The following ERI3 variants were observed in gnomAD, a reference collection of about 807,000 sequenced individuals.
ERI3 encodes the protein ERI1 exoribonuclease 3.
Under a neutral mutation model 44.4 loss-of-function variants are expected in ERI3, and 18 were observed. That is an observed-to-expected ratio of 0.41 (90% confidence interval 0.28 to 0.60). The LOEUF (loss-of-function observed/expected upper bound fraction) is 0.60. ERI3 is among the 20% of genes least tolerant of loss of function. The pLI is 0.36. For missense variants in ERI3, 294 were observed against 435.5 expected, an observed-to-expected ratio of 0.68 and a Z score of 2.89; for synonymous variants, 183 against 164.8, an observed-to-expected ratio of 1.11 and a Z score of -0.84.
Position 44,228,354 on chromosome 1 carries a change from C to G in ERI3, c.932-6714G>C, listed in dbSNP as rs1009171927. ...TCATCTTGATTAGCAGGCGATTTCT[C>G]TCACCGTAATAAGCGCGCTCCAAAT... On this transcript the variant is annotated intron_variant, in intron 8 of 8. Transcript: ENST00000372257. The surrounding 1 kb of genome is among the most constrained non-coding windows in gnomAD (Gnocchi z 4.3). Among the ~76,000 whole-genome samples, 7 of 152,212 alleles carry G rather than the reference C, an allele frequency of 4.6e-5. No homozygotes were observed. Among genetic ancestry groups the G allele is most frequent in the African/African-American group, 1.4e-4 (6 of 41,444 alleles).
intron 8 of ERI3, among the ~76,000 whole-genome samples, chr1:44,238,482 T>C (rs1233924080): frequency 6.6e-6 from 1 of 152,060 alleles, no homozygotes; most frequent in Non-Finnish European, 1.5e-5. Context: ...TTTCGGTGTA[T>C]AGGGCCAGAT....
intron 7 of ERI3, among the ~76,000 whole-genome samples, chr1:44,262,378 C>T (rs933154283): frequency 6.6e-6 from 1 of 152,242 alleles, no homozygotes; most frequent in African/African-American, 2.4e-5. Flanking sequence ...GTTCCATTAA[C>T]CTTCCTTCTC....
rs539439596 is a variant in ERI3 at position 44,305,537 on chromosome 1, G to A, written c.758+2773C>T. On this transcript the variant is annotated intron_variant, in intron 6 of 8. Coordinates refer to ENST00000372257, the MANE Select transcript of ERI3 (RefSeq NM_024066.3). The stretch of plus-strand genomic sequence containing the variant: ...AATCCACATCACTAAATAAAAACTC[G>A]CCTTAGCAGGATCTGTGACTACACA... Among the ~76,000 whole-genome samples, 5 of 152,296 alleles carry A rather than the reference G, an allele frequency of 3.3e-5. No homozygotes were observed. In the East Asian group the frequency reaches 7.7e-4, roughly 24 times the overall value.
intron 7 of ERI3, among the ~76,000 whole-genome samples, chr1:44,264,165 C>A (rs1445878236): frequency 6.6e-6 from 1 of 152,204 alleles, no homozygotes; most frequent in Non-Finnish European, 1.5e-5. Flanking sequence ...CTCAGCAGAG[C>A]TAATAAATCT....
intron 6 of ERI3, among the ~76,000 whole-genome samples, chr1:44,303,273 T>C (rs188197704): frequency 2.0e-5 from 3 of 152,376 alleles, no homozygotes; most frequent in East Asian, 3.9e-4. Context: ...AGCATAGTTC[T>C]CTAACTCTTC....
chr1:44,223,536 C>T (rs1310322998), intron 8 of ERI3, among the ~76,000 whole-genome samples: 2 of 152,140 alleles, frequency 1.3e-5, no homozygotes, highest in African/African-American at 4.8e-5. Flanking sequence ...GGCCGCTGTG[C>T]ATATTAAGAA....
chr1:44,232,871 G>C (rs1449809435), intron 8 of ERI3, among the ~76,000 whole-genome samples: 1 of 152,122 alleles, frequency 6.6e-6, no homozygotes, highest in Non-Finnish European at 1.5e-5. Context: ...AATTATACAG[G>C]GGTTCTATTT....
In ERI3 at chr1:44,228,359, C is replaced by T. The variant is rs1017676167; in HGVS notation, c.932-6719G>A. Among the ~76,000 whole-genome samples, 5 of 152,132 alleles carry T rather than the reference C, an allele frequency of 3.3e-5. No homozygotes were observed. Among genetic ancestry groups the T allele is most frequent in the African/African-American group, 9.7e-5 (4 of 41,406 alleles). ...TTGATTAGCAGGCGATTTCTCTCAC[C>T]GTAATAAGCGCGCTCCAAATAATTA... On this transcript the variant is annotated intron_variant, in intron 8 of 8. Coordinates refer to ENST00000372257, the MANE Select transcript of ERI3 (RefSeq NM_024066.3). This position sits in a 1 kb window ranked among gnomAD's most constrained non-coding sequence, Gnocchi z 4.3.
At chr1:44,327,659 T>C (rs1368417480) in intron 3 of ERI3, among the ~76,000 whole-genome samples, 1 of 152,192 alleles carries the variant, frequency 6.6e-6, no homozygotes, top group Non-Finnish European at 1.5e-5. Context: ...TTAACTACTA[T>C]GCTCTACTGA....
chr1:44,238,732 AC>A (rs1188128942), intron 8 of ERI3, among the ~76,000 whole-genome samples: 2 of 151,570 alleles, frequency 1.3e-5, no homozygotes, highest in East Asian at 3.9e-4. Flanking sequence ...ATAGGACTGA[AC>A]CCCATCACAT....
chr1:44,345,168 T>A (rs910208047), intron 2 of ERI3, among the ~76,000 whole-genome samples: 1 of 152,220 alleles, frequency 6.6e-6, no homozygotes, highest in African/African-American at 2.4e-5. Flanking sequence ...GAGGAGTCGT[T>A]CTGGTGTCTT....
At chr1:44,258,490 T>C (rs532484628) in intron 7 of ERI3, among the ~76,000 whole-genome samples, 1 of 152,292 alleles carries the variant, frequency 6.6e-6, no homozygotes, top group Admixed American at 6.5e-5. Flanking sequence ...CTTCATTAGA[T>C]TGTTCATGTA....
chr1:44,241,206 T>C lies in ERI3; in HGVS notation c.931+6733A>G, dbSNP rs1021522050. 9.9e-5 allele frequency among the ~76,000 whole-genome samples: 15 copies of C among 152,128 alleles called. No individual in the cohort carries two copies. Among genetic ancestry groups the C allele is most frequent in the African/African-American group, 3.4e-4 (14 of 41,420 alleles). On this transcript the variant is annotated intron_variant, in intron 8 of 8. Transcript: ENST00000372257. This position sits in a 1 kb window ranked among gnomAD's most constrained non-coding sequence, Gnocchi z 5.6. ...AACCAGTGGTAATGACTTGCAAATA[T>C]TGATGAAAACACAAACTACAGATAT...
intron 6 of ERI3, among the ~76,000 whole-genome samples, chr1:44,301,098 G>A (rs573194039): frequency 1.1e-3 from 171 of 152,258 alleles, no homozygotes; most frequent in Non-Finnish European, 2.1e-3. Context: ...GATTTATATC[G>A]AGTGACTTGG....
intron 3 of ERI3, among the ~76,000 whole-genome samples, chr1:44,338,004 G>A (rs1334285716): frequency 6.6e-6 from 1 of 152,132 alleles, no homozygotes; most frequent in Non-Finnish European, 1.5e-5. Flanking sequence ...TGCTACATCA[G>A]CCCCCAATCA....
intron 5 of ERI3, among the ~76,000 whole-genome samples, chr1:44,312,052 C>A (rs1645983658): frequency 6.6e-6 from 1 of 152,142 alleles, no homozygotes; most frequent in African/African-American, 2.4e-5. Context: ...ATACACTCTG[C>A]CACTGAGGTG....
intron 6 of ERI3, among the ~76,000 whole-genome samples, chr1:44,302,086 G>C (rs996824132): frequency 2.0e-5 from 3 of 152,194 alleles, no homozygotes; most frequent in Non-Finnish European, 1.5e-5. Flanking sequence ...CAATCAGAAG[G>C]CTGCCTGGCA....
intron 3 of ERI3, among the ~76,000 whole-genome samples, chr1:44,324,822 A>T: frequency 6.6e-6 from 1 of 152,116 alleles, no homozygotes; most frequent in East Asian, 1.9e-4. Flanking sequence ...ACCATTCACA[A>T]ACTACCTACA....
In ERI3 at chr1:44,252,533, C is replaced by T. The variant is rs1368608527; in HGVS notation, c.832-4495G>A. ...CCTGCTATTACATGCAAACACTGAT[C>T]GCCCTGTGAAATTACATTGCTGGGC... On this transcript the variant is annotated intron_variant, in intron 7 of 8. Coordinates refer to ENST00000372257, the MANE Select transcript of ERI3 (RefSeq NM_024066.3). The surrounding 1 kb of genome is among the most constrained non-coding windows in gnomAD (Gnocchi z 4.7). Among the ~76,000 whole-genome samples, 2 of 152,214 alleles carry T rather than the reference C, an allele frequency of 1.3e-5. No homozygotes were observed. Among genetic ancestry groups the T allele is most frequent in the African/African-American group, 4.8e-5 (2 of 41,450 alleles).
Sources: allele counts gnomAD v4.1 joint callset (sites outside exome capture counted in the v4.1 genomes callset), GRCh38; gene constraint gnomAD v4.1.1; non-coding constraint Gnocchi (gnomAD v3.1); transcripts MANE v1.5; gene names NCBI Gene and HGNC (gene_info 2026-07-23, HGNC 2026-07-21).